Variants in CTNND2 observed in about 807,000 individuals in gnomAD.
CTNND2 encodes the protein catenin delta 2, also known as catenin delta-2.
A neutral mutation model predicts 144.4 loss-of-function variants in CTNND2; 22 were observed. The ratio of observed to expected loss-of-function variants is 0.15; its 90% CI spans 0.11 to 0.22. The LOEUF is 0.22. Ranked by LOEUF, CTNND2 falls within the 10% of genes least tolerant of loss-of-function variation. The pLI is 1.00. For synonymous variants in CTNND2, 751 were observed against 695.6 expected, an observed-to-expected ratio of 1.08 and a Z score of -1.25; for missense variants, 1,353 against 1,618.8, an observed-to-expected ratio of 0.84 and a Z score of 2.82.
rs139955208 is a variant in CTNND2, at chr5:11,795,076, T to C, written c.38-62804A>G. 2.6e-3 allele frequency among the ~76,000 whole-genome samples: 398 copies of C among 152,320 alleles called. 3 individuals are homozygous for C. Among genetic ancestry groups the C allele is most frequent in the African/African-American group, 8.6e-3 (358 of 41,584 alleles). On this transcript the variant is annotated intron_variant, in intron 1 of 21. Transcript: ENST00000304623. ...TAAAACGTTCTTCAGGGACCATAAATATTCATTTATTTATTTAACTCATTT... is the reference window on the plus strand; with the variant it reads ...TAAAACGTTCTTCAGGGACCATAAACATTCATTTATTTATTTAACTCATTT...
chr5:11,826,019 T>C (rs1793580710), intron 1 of CTNND2, among the ~76,000 whole-genome samples: 1 of 151,864 alleles, frequency 6.6e-6, no homozygotes, highest in African/African-American at 2.4e-5. Context: ...GCAAAAAATA[T>C]GGTGACAGGA....
At chr5:11,443,248 G>T (rs975629996) in intron 3 of CTNND2, among the ~76,000 whole-genome samples, 1 of 121,518 alleles carries the variant, frequency 8.2e-6, no homozygotes, top group Non-Finnish European at 1.6e-5. Context: ...GTGTGTGTGT[G>T]TGTGCTGTGT....
chr5:11,130,368 C>A (rs1755467037), intron 12 of CTNND2, among the ~76,000 whole-genome samples: 1 of 152,172 alleles, frequency 6.6e-6, no homozygotes, highest in African/African-American at 2.4e-5. Context: ...TCCGTGCCTT[C>A]TGGAGTTAGC....
intron 9 of CTNND2, among the ~76,000 whole-genome samples, chr5:11,263,835 C>T (rs1745165913): frequency 6.6e-6 from 1 of 152,182 alleles, no homozygotes; most frequent in African/African-American, 2.4e-5. Flanking sequence ...CCAGTTTGTG[C>T]ATGTGTCTGT....
chr5:11,706,369 AG>A (rs1340611813), intron 2 of CTNND2, among the ~76,000 whole-genome samples: 4 of 152,222 alleles, frequency 2.6e-5, no homozygotes, highest in African/African-American at 9.6e-5. Context: ...GGGCCGAGCA[AG>A]GGATAGGGAT....
At chr5:11,430,248 C>CAAA (rs1307787997) in intron 3 of CTNND2, among the ~76,000 whole-genome samples, 8 of 38,404 alleles carry the variant, frequency 2.1e-4, no homozygotes, top group Non-Finnish European at 2.7e-4. Context: ...GACTCCGTCT[C>CAAA]AAAAAAAAAA....
intron 2 of CTNND2, among the ~76,000 whole-genome samples, chr5:11,633,613 T>C (rs576485196): frequency 1.3e-5 from 2 of 152,104 alleles, no homozygotes; most frequent in Admixed American, 6.5e-5. Context: ...CCATCTCTAC[T>C]AAAAATACAA....
chr5:11,083,290 A>T (rs1749789810), intron 15 of CTNND2, among the ~76,000 whole-genome samples: 1 of 152,246 alleles, frequency 6.6e-6, no homozygotes, highest in South Asian at 2.1e-4. Context: ...GATGGGGCAC[A>T]CAGGTGAGTT....
intron 2 of CTNND2, among the ~76,000 whole-genome samples, chr5:11,722,995 C>T (rs914674112): frequency 6.6e-6 from 1 of 151,996 alleles, no homozygotes; most frequent in Non-Finnish European, 1.5e-5. Context: ...AAAAATCTCC[C>T]AAACACAAAA....
At chr5:11,106,687 T>G (rs927573987) in intron 14 of CTNND2, among the ~76,000 whole-genome samples, 3 of 152,182 alleles carry the variant, frequency 2.0e-5, no homozygotes, top group Non-Finnish European at 2.9e-5. Flanking sequence ...AGCCCCCTAC[T>G]CACTGCACAC....
At position 11,576,495 on chromosome 5, in the gene CTNND2, T is replaced by C. The variant is rs577982683; in HGVS notation, c.175-11439A>G. On this transcript the variant is annotated intron_variant, in intron 2 of 21. Coordinates refer to ENST00000304623, the MANE Select transcript of CTNND2 (RefSeq NM_001332.4). ...ACAGCATCTTCAAAGTTATGCTCCA[T>C]TTATTGGCCACCAAGAAATGTATGT... Among the ~76,000 whole-genome samples the C allele has an allele frequency of 2.0e-5, 3 of 151,990 alleles. No individual in the cohort carries two copies. The East Asian group carries it at 5.8e-4, about 29-fold the overall frequency.
At chr5:11,249,345 C>T (rs186454384) in intron 9 of CTNND2, among the ~76,000 whole-genome samples, 1 of 152,292 alleles carries the variant, frequency 6.6e-6, no homozygotes, top group Admixed American at 6.5e-5. Context: ...CCATGGGAAA[C>T]CATGGGACAT....
Position 11,598,385 on chromosome 5 carries a change from G to C in CTNND2, c.175-33329C>G, listed in dbSNP as rs572577775. On this transcript the variant is annotated intron_variant, in intron 2 of 21. Transcript: ENST00000304623. The stretch of plus-strand genomic sequence containing the variant: ...TTCCTCAGAATCAGGTAAGTTTCTA[G>C]GTGTGCCAGGACTCCAGGGGGGTCT... 2.6e-5 allele frequency among the ~76,000 whole-genome samples: 4 copies of C among 152,274 alleles called. No individual in the cohort carries two copies. The East Asian group carries it at 7.7e-4, about 29-fold the overall frequency.
chr5:11,283,150 G>C (rs1299480043), intron 9 of CTNND2, among the ~76,000 whole-genome samples: 2 of 152,144 alleles, frequency 1.3e-5, no homozygotes, highest in African/African-American at 4.8e-5. Flanking sequence ...ATTCTGAGTA[G>C]TTTTTAACCA....
intron 1 of CTNND2, among the ~76,000 whole-genome samples, chr5:11,739,690 C>G (rs1325943549): frequency 6.6e-6 from 1 of 151,992 alleles, no homozygotes; most frequent in Non-Finnish European, 1.5e-5. Flanking sequence ...AAGTTCTGGC[C>G]CGGGCAATCA....
chr5:11,700,679 G>C (rs781680899), intron 2 of CTNND2, among the ~76,000 whole-genome samples: 1 of 152,158 alleles, frequency 6.6e-6, no homozygotes, highest in Non-Finnish European at 1.5e-5. Flanking sequence ...ACGGTCAATA[G>C]AGCACTAGTT....
At chr5:11,867,542 G>A (rs988763557) in intron 1 of CTNND2, among the ~76,000 whole-genome samples, 2 of 152,164 alleles carry the variant, frequency 1.3e-5, no homozygotes, top group Non-Finnish European at 2.9e-5. Context: ...GTTTGAGAAT[G>A]AGTGATCATT....
intron 1 of CTNND2, among the ~76,000 whole-genome samples, chr5:11,738,544 C>T (rs1273169483): frequency 6.6e-6 from 1 of 152,180 alleles, no homozygotes; most frequent in East Asian, 1.9e-4. Context: ...AATGCAGAGA[C>T]AATATTCAAT....
chr5:11,098,582 C>T lies in CTNND2; in HGVS notation c.2630G>A (p.Ser877Asn), dbSNP rs1751584999. 1 of 1,613,650 alleles carries T rather than the reference C, an allele frequency of 6.2e-7. No homozygotes were observed. The highest frequency in any genetic ancestry group is 1.7e-5 in the Admixed American group (1 of 59,978). The change falls in exon 15 of 22, where the codon AGC (serine) becomes AAC (asparagine). Residue 877 changes from serine to asparagine, a missense_variant. Coordinates refer to ENST00000304623, the MANE Select transcript of CTNND2 (RefSeq NM_001332.4). ...GTAATGAACTGGCCATACCTTCCAG[C>T]TCCCTGCAGCCAAGTTCTGCAGGGC... Reference protein sequence around the residue: ...AGALQNLAAGSWKWSVYIRAA... With the variant: ...AGALQNLAAGNWKWSVYIRAA...
Sources: allele counts gnomAD v4.1 joint callset (sites outside exome capture counted in the v4.1 genomes callset), GRCh38; gene constraint gnomAD v4.1.1; transcripts MANE v1.5; gene names NCBI Gene and HGNC (gene_info 2026-07-23, HGNC 2026-07-21).